The following DYSF variants were observed in gnomAD, a reference collection of about 807,000 sequenced individuals.
DYSF encodes dysferlin, also known as dystrophy-associated fer-1-like 1.
In DYSF, 212 loss-of-function variants were observed where a neutral mutation model predicts 274.9. That is an observed-to-expected ratio of 0.77 (90% CI 0.69 to 0.86). The LOEUF is 0.86. Among genes scored for constraint, DYSF ranks in the 40% least tolerant of loss-of-function variants. DYSF has a pLI of 0.00. For synonymous variants in DYSF, 1,091 were observed against 1,078.7 expected (o/e 1.01, Z -0.22); for missense variants, 2,666 against 2,783.2 (o/e 0.96, Z 0.95).
intron 3 of DYSF, among the ~76,000 whole-genome samples, chr2:71,490,939 T>C (rs2083801106): frequency 6.6e-6 from 1 of 152,244 alleles, no homozygotes; most frequent in South Asian, 2.1e-4. Flanking sequence ...TTTATGTTCT[T>C]ATGCTATTTT....
intron 23 of DYSF, 45 bp from the exon 24 acceptor site, chr2:71,564,013 C>A: frequency 6.2e-7 from 1 of 1,611,530 alleles, no homozygotes; most frequent in Non-Finnish European, 8.5e-7. Context: ...GGGGCGTGGG[C>A]CTGGTGTGTC....
At chr2:71,650,177 A>C (rs989258973) in intron 42 of DYSF, among the ~76,000 whole-genome samples, 18 of 152,314 alleles carry the variant, frequency 1.2e-4, no homozygotes, top group African/African-American at 4.3e-4. Flanking sequence ...TGTCAGATCA[A>C]GGAGACAAAA....
At chr2:71,571,904 CACAG>C (rs2092496193) in intron 29 of DYSF, among the ~76,000 whole-genome samples, 2 of 147,956 alleles carry the variant, frequency 1.4e-5, no homozygotes, top group Admixed American at 6.7e-5. Flanking sequence ...CCAGCACACA[CACAG>C]ATCACACCCA....
Position 71,570,211 on chromosome 2 carries a change from G to A in DYSF, c.2980-18G>A, listed in dbSNP as rs755560758. On this transcript the variant is annotated intron_variant, in intron 27 of 55. Transcript: ENST00000410020. Reference sequence around the variant, plus strand: ...GTCTGTCTCCTCTCATTGCTTGCCTGTTCGGTTTTGTCCTTAGAACGGGGA... The same window carrying A: ...GTCTGTCTCCTCTCATTGCTTGCCTATTCGGTTTTGTCCTTAGAACGGGGA... 1 of 1,610,066 alleles carries A rather than the reference G, an allele frequency of 6.2e-7. No individual in the cohort carries two copies. Among genetic ancestry groups the A allele is most frequent in the South Asian group, 1.1e-5 (1 of 91,016 alleles).
Position 71,554,031 on chromosome 2 carries a change from GAC to G in DYSF, c.2109+105_2109+106del, listed in dbSNP as rs5832058. 191,332 of 1,554,894 alleles carry G rather than the reference GAC, an allele frequency of 0.12. 12,967 individuals are homozygous for G. The highest frequency in any genetic ancestry group is 0.2 in the African/African-American group (14,399 of 73,782). ...ACCACCACCCACTGGTGCACACACT[GAC>G]ACACGGCTGTGCCTACTGACCTTTG... On this transcript the variant is annotated intron_variant, in intron 21 of 55. Coordinates refer to ENST00000410020, the MANE Select transcript of DYSF (RefSeq NM_001130987.2).
intron 30 of DYSF, among the ~76,000 whole-genome samples, chr2:71,579,099 C>A (rs967221723): frequency 2.0e-5 from 3 of 152,290 alleles, no homozygotes; most frequent in Middle Eastern, 3.4e-3. Context: ...CCACCCCACA[C>A]CCCCTGTGGC....
intron 3 of DYSF, among the ~76,000 whole-genome samples, chr2:71,483,914 A>G (rs2083144224): frequency 6.6e-6 from 1 of 152,010 alleles, no homozygotes; most frequent in Non-Finnish European, 1.5e-5. Context: ...CCCTCTGACA[A>G]TGCCGGCGTT....
At position 71,594,452 on chromosome 2, in the gene DYSF, G is replaced by A. The variant is rs1574238454; in HGVS notation, c.3575-4112G>A. Among the ~76,000 whole-genome samples the A allele has an allele frequency of 2.0e-5, 3 of 152,312 alleles. No individual in the cohort carries two copies. In the East Asian group the frequency reaches 5.8e-4, roughly 29 times the overall value. On this transcript the variant is annotated intron_variant, in intron 32 of 55. Transcript: ENST00000410020. Reference sequence around the variant, plus strand: ...GCATATGAGAGGCTCTGAGGCGGCTGCAGGGAGGGAGCCTGTTTAATCTGT... The same window carrying A: ...GCATATGAGAGGCTCTGAGGCGGCTACAGGGAGGGAGCCTGTTTAATCTGT...
intron 17 of DYSF, among the ~76,000 whole-genome samples, chr2:71,542,906 G>A (rs1226617769): frequency 6.6e-6 from 1 of 152,162 alleles, no homozygotes; most frequent in Non-Finnish European, 1.5e-5. Context: ...CAGATGGGGT[G>A]GCGGCCGGGC....
At chr2:71,555,245 C>T (rs897605152) in intron 21 of DYSF, among the ~76,000 whole-genome samples, 2 of 152,168 alleles carry the variant, frequency 1.3e-5, no homozygotes, top group East Asian at 1.9e-4. Flanking sequence ...CACAGCAAGA[C>T]TCCAGACTCC....
In DYSF at chr2:71,573,969, T is replaced by C. The variant is rs115634094; in HGVS notation, c.3229-229T>C. The stretch of plus-strand genomic sequence containing the variant: ...TCCCTGGTAGCTGGGATTACAGACA[T>C]GAGCCACCATGCCTGGCCTCCCCTC... On this transcript the variant is annotated intron_variant, in intron 29 of 55. Coordinates refer to ENST00000410020, the MANE Select transcript of DYSF (RefSeq NM_001130987.2). Among the ~76,000 whole-genome samples the C allele has an allele frequency of 0.015, 2,349 of 152,152 alleles. 34 individuals are homozygous for C. Among genetic ancestry groups the C allele is most frequent in the Non-Finnish European group, 0.021 (1,416 of 67,994 alleles).
chr2:71,620,513 A>G lies in DYSF; in HGVS notation c.4465-34A>G. On this transcript the variant is annotated intron_variant, in intron 40 of 55. Transcript: ENST00000410020. ...CAGCCTTCCCTAAAGTGGGTTCTCTAATCCTGTTGCTAACCAGCATGTTTC... is the reference window on the plus strand; with the variant it reads ...CAGCCTTCCCTAAAGTGGGTTCTCTGATCCTGTTGCTAACCAGCATGTTTC... 4 of 1,551,574 alleles carry G rather than the reference A, an allele frequency of 2.6e-6. No homozygotes were observed. In the East Asian group the frequency reaches 9.8e-5, roughly 38 times the overall value.
chr2:71,637,324 G>T (rs972419934), intron 41 of DYSF, among the ~76,000 whole-genome samples: 3 of 152,212 alleles, frequency 2.0e-5, no homozygotes, highest in Non-Finnish European at 4.4e-5. Flanking sequence ...TTGGCCTTGG[G>T]CTGGGGTGCA....
rs1409552881 is a variant in DYSF at position 71,681,559 on chromosome 2, C to T, written c.6173+449C>T. Among the ~76,000 whole-genome samples, 5 of 152,214 alleles carry T rather than the reference C, an allele frequency of 3.3e-5. No individual in the cohort carries two copies. The East Asian group carries it at 7.7e-4, about 23-fold the overall frequency. On this transcript the variant is annotated intron_variant, in intron 54 of 55. Coordinates refer to ENST00000410020, the MANE Select transcript of DYSF (RefSeq NM_001130987.2). The stretch of plus-strand genomic sequence containing the variant: ...GGTCTTGACCCTACCAAGCTGCCTT[C>T]GGTGGCTCTCCTATGGTGCCAGTGT...
chr2:71,558,679 A>G (rs1427156931), intron 22 of DYSF, among the ~76,000 whole-genome samples: 1 of 152,120 alleles, frequency 6.6e-6, no homozygotes, highest in African/African-American at 2.4e-5. Flanking sequence ...GGATCTGCCT[A>G]CAAACAGTTC....
At chr2:71,520,567 G>A (rs1201253686) in intron 11 of DYSF, among the ~76,000 whole-genome samples, 1 of 152,176 alleles carries the variant, frequency 6.6e-6, no homozygotes, top group Non-Finnish European at 1.5e-5. Flanking sequence ...AATGCCTTGG[G>A]TTTGGCTCTG....
intron 2 of DYSF, 86 bp downstream of exon 2, chr2:71,481,024 C>A: frequency 7.4e-7 from 1 of 1,354,210 alleles, no homozygotes; most frequent in East Asian, 2.3e-5. Context: ...GGAGGAGGTG[C>A]CTTCTCAGCA....
intron 30 of DYSF, among the ~76,000 whole-genome samples, chr2:71,579,528 C>T (rs1464214843): frequency 6.6e-6 from 1 of 152,104 alleles, no homozygotes; most frequent in Non-Finnish European, 1.5e-5. Context: ...ATCCAATGCT[C>T]CAGGGGATCC....
chr2:71,561,740 C>A lies in DYSF; in HGVS notation c.2217-12C>A. ...GCTCATCAGGCGCATTCCATCTGTC[C>A]GTCCCTCACAGCCAGCCTCTGGGTG... On this transcript the variant is annotated splice_polypyrimidine_tract_variant and intron_variant, in intron 22 of 55. Coordinates refer to ENST00000410020, the MANE Select transcript of DYSF (RefSeq NM_001130987.2). 6.2e-7 allele frequency: 1 copy of A among 1,614,090 alleles called. No homozygotes were observed. The highest frequency in any genetic ancestry group is 1.1e-5 in the South Asian group (1 of 91,074).
Sources: allele counts gnomAD v4.1 joint callset (sites outside exome capture counted in the v4.1 genomes callset), GRCh38; gene constraint gnomAD v4.1.1; transcripts MANE v1.5; gene names NCBI Gene and HGNC (gene_info 2026-07-23, HGNC 2026-07-21).